The following CACNA1E variants were observed in gnomAD, a reference collection of about 807,000 sequenced individuals.
The protein encoded by CACNA1E is calcium voltage-gated channel subunit alpha1 E, also known as voltage-dependent R-type calcium channel subunit alpha-1E.
CACNA1E carries 40 observed loss-of-function variants against 259.2 expected under a neutral mutation model. The observed-to-expected ratio is 0.15, with a 90% CI of 0.12 to 0.20. CACNA1E has a LOEUF of 0.20. CACNA1E is among the 10% of genes least tolerant of loss of function. The pLI is 1.00. For missense variants in CACNA1E, 1,874 were observed against 3,040.1 expected (o/e 0.62, Z 9.02); for synonymous variants, 1,104 against 1,138.5 (o/e 0.97, Z 0.61).
chr1:181,560,596 C>A (rs1649224758), intron 3 of CACNA1E, among the ~76,000 whole-genome samples: 1 of 152,192 alleles, frequency 6.6e-6, no homozygotes, highest in African/African-American at 2.4e-5. Context: ...AACCATTCCC[C>A]TACTGTTAAA....
chr1:181,423,806 G>A (rs1211855109), intron 2 of CACNA1E, among the ~76,000 whole-genome samples: 2 of 152,006 alleles, frequency 1.3e-5, no homozygotes, highest in African/African-American at 2.4e-5. Flanking sequence ...AGGAATCTGT[G>A]GAACCACTAT....
rs755771748 is a variant in CACNA1E, at chr1:181,796,930, C to T, written c.6399+72C>T. The T allele has an allele frequency of 2.0e-4, 229 of 1,172,950 alleles. 1 individual carries two copies. Among genetic ancestry groups the T allele is most frequent in the Non-Finnish European group, 2.4e-4 (207 of 848,744 alleles). 72.7% of individuals were successfully genotyped at this position (1,172,950 alleles called of 1,614,324 possible). On this transcript the variant is annotated intron_variant, in intron 47 of 47. Transcript: ENST00000367573. ...GTGGGCTGTATCATTAGATGCAAGT[C>T]GTGAGCATTTCGCAAACGCATTCAA...
rs1655651736 is a variant in CACNA1E, at chr1:181,732,910, G to A, written c.2824G>A (p.Ala942Thr). The A allele has an allele frequency of 6.2e-7, 1 of 1,613,972 alleles. No individual in the cohort carries two copies. ...ESSSASRSRS[A>T]SQERSLDEAM... ...CTCTTCAGCCTCCCGGAGCAGGTCT[G>A]CCAGCCAGGAACGCAGTCTGGATGA... Residue 942 changes from alanine (A) to threonine (T), a missense_variant, in exon 20 of 48, where the codon GCC (alanine) becomes ACC (threonine). Physicochemically the swap from Ala to Thr is moderately conservative, Grantham distance 58. This residue lies in a region of CACNA1E where 476 missense variants were observed against 514.0 expected (regional missense o/e 0.93). Transcript: ENST00000367573. This position sits in a 1 kb window ranked among gnomAD's most constrained non-coding sequence, Gnocchi z 5.5.
intron 17 of CACNA1E, 47 bp from the exon 18 acceptor site, chr1:181,726,018 C>T (rs985988427): frequency 1.5e-6 from 2 of 1,374,414 alleles, no homozygotes; most frequent in Non-Finnish European, 2.1e-6. Flanking sequence ...GGAAGCTACT[C>T]TCCTTCCTGG....
At chr1:181,378,801 TA>T (rs1488603403) in intron 1 of CACNA1E, among the ~76,000 whole-genome samples, 1 of 152,192 alleles carries the variant, frequency 6.6e-6, no homozygotes, top group Non-Finnish European at 1.5e-5. Context: ...AAACTATGTC[TA>T]GAGCAAACAT....
At chr1:181,461,280 G>A (rs1038010151) in intron 2 of CACNA1E, among the ~76,000 whole-genome samples, 4 of 152,136 alleles carry the variant, frequency 2.6e-5, no homozygotes, top group Admixed American at 6.5e-5. Context: ...AGTGGCTCAC[G>A]CCTGTAATCC....
At chr1:181,702,678 C>T (rs943129994) in intron 7 of CACNA1E, among the ~76,000 whole-genome samples, 1 of 152,260 alleles carries the variant, frequency 6.6e-6, no homozygotes, top group African/African-American at 2.4e-5. Context: ...TGCTTCTGCC[C>T]CACAGCTTTG....
At chr1:181,412,364 G>T (rs1211540358) in intron 1 of CACNA1E, among the ~76,000 whole-genome samples, 1 of 152,174 alleles carries the variant, frequency 6.6e-6, no homozygotes, top group East Asian at 1.9e-4. Flanking sequence ...TTGTGCCCAG[G>T]AGTTGAGACT....
chr1:181,795,719 C>A (rs560033592), intron 46 of CACNA1E, among the ~76,000 whole-genome samples: 1 of 147,836 alleles, frequency 6.8e-6, no homozygotes, highest in Non-Finnish European at 1.5e-5. Flanking sequence ...GGATTACAGG[C>A]GTGAGCCGCT....
At chr1:181,372,099 G>A (rs1330895227) in intron 1 of CACNA1E, among the ~76,000 whole-genome samples, 1 of 152,094 alleles carries the variant, frequency 6.6e-6, no homozygotes, top group Admixed American at 6.6e-5. Flanking sequence ...GGTTCCATAT[G>A]AATTTTAGAA....
chr1:181,390,313 A>ATTTG (rs1656168492), intron 1 of CACNA1E, among the ~76,000 whole-genome samples: 1 of 131,666 alleles, frequency 7.6e-6, no homozygotes, highest in Non-Finnish European at 1.6e-5. Flanking sequence ...TTATTTATTT[A>ATTTG]TTTATTTATT....
At chr1:181,400,176 T>G (rs535577353) in intron 1 of CACNA1E, among the ~76,000 whole-genome samples, 1 of 152,362 alleles carries the variant, frequency 6.6e-6, no homozygotes, top group South Asian at 2.1e-4. Context: ...TAGCATTCAT[T>G]ATTTCCAGGA....
At chr1:181,697,437 C>G (rs1651819407) in intron 7 of CACNA1E, among the ~76,000 whole-genome samples, 1 of 152,200 alleles carries the variant, frequency 6.6e-6, no homozygotes, top group Admixed American at 6.5e-5. Context: ...ATAGTGCTTA[C>G]AAACTTCAGC....
At chr1:181,793,312 A>C (rs1263652901) in intron 44 of CACNA1E, among the ~76,000 whole-genome samples, 1 of 152,270 alleles carries the variant, frequency 6.6e-6, no homozygotes, top group Non-Finnish European at 1.5e-5. Flanking sequence ...GAATAAATCC[A>C]ATGCTATCAC....
chr1:181,736,730 G>A (rs1656072066), intron 22 of CACNA1E, among the ~76,000 whole-genome samples: 1 of 152,144 alleles, frequency 6.6e-6, no homozygotes. Context: ...TAGTGTGGAG[G>A]GAGGAAGGAA....
At chr1:181,646,679 A>C (rs1658295145) in intron 6 of CACNA1E, among the ~76,000 whole-genome samples, 1 of 152,180 alleles carries the variant, frequency 6.6e-6, no homozygotes, top group African/African-American at 2.4e-5. Context: ...CCCTGCCTGC[A>C]TAGCTTCAGC....
intron 3 of CACNA1E, among the ~76,000 whole-genome samples, chr1:181,562,279 C>T (rs1211668104): frequency 1.3e-5 from 2 of 152,166 alleles, no homozygotes; most frequent in East Asian, 3.8e-4. Context: ...TCCAACAGCT[C>T]TTCAAAACCA....
intron 2 of CACNA1E, among the ~76,000 whole-genome samples, chr1:181,459,492 A>G (rs1425199676): frequency 6.6e-6 from 1 of 152,204 alleles, no homozygotes; most frequent in Non-Finnish European, 1.5e-5. Flanking sequence ...CAGTCATAGT[A>G]ATGCCTCAGA....
chr1:181,759,302 CT>C (rs1211990529), intron 32 of CACNA1E, among the ~76,000 whole-genome samples: 1 of 152,138 alleles, frequency 6.6e-6, no homozygotes, highest in Non-Finnish European at 1.5e-5. Flanking sequence ...ATTAGTCCTT[CT>C]GCCATTAGTA....
Sources: allele counts gnomAD v4.1 joint callset (sites outside exome capture counted in the v4.1 genomes callset), GRCh38; gene constraint gnomAD v4.1.1; regional missense constraint gnomAD v4.1.1; non-coding constraint Gnocchi (gnomAD v3.1); transcripts MANE v1.5; gene names NCBI Gene and HGNC (gene_info 2026-07-23, HGNC 2026-07-21).